The following KCNQ3 variants were observed in gnomAD, a reference collection of about 807,000 sequenced individuals.
KCNQ3 encodes potassium voltage-gated channel subfamily KQT member 3.
KCNQ3 carries 30 observed loss-of-function variants against 92.5 expected under a neutral mutation model. That is an observed-to-expected ratio of 0.32 (90% CI 0.24 to 0.44). The LOEUF (loss-of-function observed/expected upper bound fraction) is 0.44, where lower values mean the gene tolerates loss of function less well. KCNQ3 is among the 20% of genes least tolerant of loss of function. KCNQ3 has a pLI of 1.00. For synonymous variants in KCNQ3, 450 were observed against 468.8 expected (o/e 0.96, Z 0.52); for missense variants, 913 against 1,140.3 (o/e 0.80, Z 2.87).
chr8:132,130,946 T>A (rs1384972958), intron 14 of KCNQ3, among the ~76,000 whole-genome samples: 1 of 152,150 alleles, frequency 6.6e-6, no homozygotes, highest in Non-Finnish European at 1.5e-5. Context: ...ATTTTACAGG[T>A]GAGGATATGA....
intron 1 of KCNQ3, among the ~76,000 whole-genome samples, chr8:132,447,800 A>G (rs1198567651): frequency 6.6e-6 from 1 of 152,154 alleles, no homozygotes; most frequent in Non-Finnish European, 1.5e-5. Context: ...GGGCTTGAAT[A>G]TATGTATGTA....
chr8:132,467,766 AC>A (rs1221618621), intron 1 of KCNQ3, among the ~76,000 whole-genome samples: 2 of 152,100 alleles, frequency 1.3e-5, no homozygotes, highest in Non-Finnish European at 2.9e-5. Context: ...AAAGTGAAAG[AC>A]CCCATCAAGC....
chr8:132,391,617 G>A (rs1820049315), intron 1 of KCNQ3, among the ~76,000 whole-genome samples: 1 of 152,184 alleles, frequency 6.6e-6, no homozygotes, highest in Non-Finnish European at 1.5e-5. Flanking sequence ...AGTGCTCAAT[G>A]AGGGAAAAGA....
At chr8:132,232,912 T>C (rs1814688383) in intron 1 of KCNQ3, among the ~76,000 whole-genome samples, 1 of 152,218 alleles carries the variant, frequency 6.6e-6, no homozygotes, top group African/African-American at 2.4e-5. Context: ...ACAGATGGAT[T>C]AATGCACACA....
intron 4 of KCNQ3, 126 bp downstream of exon 4, chr8:132,180,031 T>C (rs768709824): frequency 2.8e-6 from 3 of 1,070,334 alleles, no homozygotes; most frequent in Non-Finnish European, 4.2e-6. Flanking sequence ...CTCTTCCTCT[T>C]TGTCGTTATC....
intron 1 of KCNQ3, among the ~76,000 whole-genome samples, chr8:132,276,048 G>A (rs1816318449): frequency 6.6e-6 from 1 of 152,206 alleles, no homozygotes; most frequent in Admixed American, 6.5e-5. Context: ...TTGGGTCTTT[G>A]CACCTCATCT....
intron 1 of KCNQ3, among the ~76,000 whole-genome samples, chr8:132,271,366 T>G (rs1192322976): frequency 6.6e-6 from 1 of 152,276 alleles, no homozygotes; most frequent in Non-Finnish European, 1.5e-5. Flanking sequence ...TATATTACAT[T>G]GGTCAGTGCC....
intron 1 of KCNQ3, among the ~76,000 whole-genome samples, chr8:132,421,654 C>T (rs1820970473): frequency 6.6e-6 from 1 of 152,004 alleles, no homozygotes; most frequent in African/African-American, 2.4e-5. Flanking sequence ...GTTCTGTCTT[C>T]AGCAAAAACA....
chr8:132,472,615 T>C (rs1030074631), intron 1 of KCNQ3, among the ~76,000 whole-genome samples: 1 of 152,120 alleles, frequency 6.6e-6, no homozygotes, highest in African/African-American at 2.4e-5. Flanking sequence ...AGGATGAATG[T>C]GCAGGAGTAG....
At chr8:132,448,440 G>A (rs1821738061) in intron 1 of KCNQ3, among the ~76,000 whole-genome samples, 1 of 145,422 alleles carries the variant, frequency 6.9e-6, no homozygotes. Flanking sequence ...TGTAGGCGTA[G>A]GTCTCTCCAG....
chr8:132,143,126 C>T (rs192627976), intron 9 of KCNQ3, among the ~76,000 whole-genome samples: 1 of 152,292 alleles, frequency 6.6e-6, no homozygotes, highest in East Asian at 1.9e-4. Flanking sequence ...TCTCTCTCAC[C>T]CAGCACTGTT....
chr8:132,171,885 A>C (rs1190935885), intron 7 of KCNQ3, among the ~76,000 whole-genome samples: 2 of 152,160 alleles, frequency 1.3e-5, no homozygotes, highest in Non-Finnish European at 2.9e-5. Context: ...GCCACGTGCC[A>C]CAACTCATGC....
Position 132,225,613 on chromosome 8 carries a change from A to AC in KCNQ3, c.387-39433dup, listed in dbSNP as rs1203957451. On this transcript the variant is annotated intron_variant, in intron 1 of 14. Transcript: ENST00000388996. ...CATCTTGCAAAAGCCAATTATGGAC[A>AC]CCTCTTCCAAATCCAATTTCAGTCA... Among the ~76,000 whole-genome samples the AC allele has an allele frequency of 4.6e-5, 7 of 152,196 alleles. No homozygotes were observed. The East Asian group carries it at 1.3e-3, about 29-fold the overall frequency.
intron 10 of KCNQ3, 98 bp from the exon 11 acceptor site, chr8:132,140,276 T>A (rs1187085440): frequency 2.6e-6 from 2 of 762,340 alleles, no homozygotes; most frequent in Non-Finnish European, 4.5e-6. Flanking sequence ...TCTGGATGTG[T>A]CAATCCCCAG....
At chr8:132,269,697 C>T (rs1455261725) in intron 1 of KCNQ3, among the ~76,000 whole-genome samples, 1 of 152,188 alleles carries the variant, frequency 6.6e-6, no homozygotes, top group Non-Finnish European at 1.5e-5. Context: ...TGACAGCTAG[C>T]ATTGTCTTAA....
At chr8:132,201,995 T>C (rs192364225) in intron 1 of KCNQ3, among the ~76,000 whole-genome samples, 4 of 152,314 alleles carry the variant, frequency 2.6e-5, no homozygotes, top group African/African-American at 7.2e-5. Flanking sequence ...CGTTTAAGTT[T>C]CATGGTACGT....
intron 1 of KCNQ3, among the ~76,000 whole-genome samples, chr8:132,348,422 G>A (rs1428157859): frequency 2.6e-5 from 4 of 152,150 alleles, no homozygotes; most frequent in South Asian, 2.1e-4. Context: ...GCAACTGAGG[G>A]TTTCTCTGCT....
intron 1 of KCNQ3, among the ~76,000 whole-genome samples, chr8:132,274,409 G>A (rs147803603): frequency 5.0e-3 from 765 of 152,238 alleles, no homozygotes; most frequent in Middle Eastern, 0.017. Context: ...TCCCTCACAC[G>A]ACACGTGGGA....
At chr8:132,403,839 G>C (rs1820409613) in intron 1 of KCNQ3, among the ~76,000 whole-genome samples, 2 of 152,182 alleles carry the variant, frequency 1.3e-5, no homozygotes, top group Admixed American at 6.5e-5. Context: ...GGATCCTGCA[G>C]AGAACAGGGA....
Sources: allele counts gnomAD v4.1 joint callset (sites outside exome capture counted in the v4.1 genomes callset), GRCh38; gene constraint gnomAD v4.1.1; transcripts MANE v1.5; gene names NCBI Gene and HGNC (gene_info 2026-07-23, HGNC 2026-07-21).